Variants in XAF1 observed in about 807,000 individuals in gnomAD.
XAF1 encodes XIAP associated factor 1, also known as XIAP-associated factor 1.
In XAF1, 32 loss-of-function variants were observed where a neutral mutation model predicts 32.3. The observed-to-expected ratio is 0.99, with a 90% CI of 0.75 to 1.33. XAF1 has a LOEUF of 1.33. XAF1 is among the 40% of genes most tolerant of loss of function. XAF1 has a pLI of 0.00. For missense variants in XAF1, 379 were observed against 366.0 expected (o/e 1.04, Z -0.29); for synonymous variants, 120 against 125.9 (o/e 0.95, Z 0.31).
At chr17:6,767,928 C>T (rs1382628629) in intron 5 of XAF1, among the ~76,000 whole-genome samples, 1 of 152,114 alleles carries the variant, frequency 6.6e-6, no homozygotes, top group African/African-American at 2.4e-5. Flanking sequence ...TAGTCATTAT[C>T]TCTACTTTCC....
chr17:6,759,315 G>A (rs1488194425), intron 2 of XAF1: 1 of 1,243,142 alleles, frequency 8.0e-7, no homozygotes, highest in Non-Finnish European at 1.0e-6. Context: ...CTGTTCTCTT[G>A]AGATCTGTAA....
intron 4 of XAF1, among the ~76,000 whole-genome samples, chr17:6,760,837 A>G (rs1389808613): frequency 6.6e-6 from 1 of 152,146 alleles, no homozygotes; most frequent in East Asian, 1.9e-4. Flanking sequence ...GCTAGAGCCT[A>G]GCTACCACAA....
At chr17:6,760,781 T>A (rs965172657) in intron 4 of XAF1, among the ~76,000 whole-genome samples, 180 bp downstream of exon 4, 11 of 152,240 alleles carry the variant, frequency 7.2e-5, no homozygotes, top group African/African-American at 2.7e-4. Context: ...CCTGTGTGTC[T>A]GCTGTGGCCT....
At chr17:6,759,557 G>A (rs1316817219) in intron 2 of XAF1, 105 bp from the exon 3 acceptor site, 13 of 1,574,536 alleles carry the variant, frequency 8.3e-6, no homozygotes, top group Admixed American at 1.8e-5. Flanking sequence ...GGAGTTCACA[G>A]ACCCAAACCC....
In XAF1 at chr17:6,775,401, C is replaced by G. The variant is rs1033279165; in HGVS notation, c.*2232C>G. On this transcript the variant is annotated 3_prime_UTR_variant, in exon 7 of 7. Coordinates refer to ENST00000361842, the MANE Select transcript of XAF1 (RefSeq NM_017523.5). ...ACATGCAATTTACCTATATAGCAAG[C>G]CTACACATGTGCCCCTGAACCTAAA... 6.6e-6 allele frequency: 1 copy of G among 152,084 alleles called. No homozygotes were observed. Among genetic ancestry groups the G allele is most frequent in the African/African-American group, 2.4e-5 (1 of 41,400 alleles). 9.4% of individuals were successfully genotyped at this position (152,084 alleles called of 1,614,324 possible). A position where few individuals can be genotyped will look rare whatever the true frequency, so the allele number is the denominator to read the frequency against.
chr17:6,761,820 A>G, intron 4 of XAF1: 1 of 1,338,346 alleles, frequency 7.5e-7, no homozygotes, highest in Non-Finnish European at 9.8e-7. Context: ...AACTGGTGCA[A>G]TGAAAGAGCA....
rs935132602 is a variant in XAF1 at position 6,760,325 on chromosome 17, G to A, written c.226-81G>A. 151 of 1,357,970 alleles carry A rather than the reference G, an allele frequency of 1.1e-4. 1 individual carries two copies. Among genetic ancestry groups the A allele is most frequent in the Non-Finnish European group, 1.5e-4 (148 of 1,020,438 alleles). 84.1% of individuals were successfully genotyped at this position (1,357,970 alleles called of 1,614,324 possible). A position where few individuals can be genotyped will look rare whatever the true frequency, so the allele number is the denominator to read the frequency against. ...ATCAAGCCACTGCACTCCAGCCTGG[G>A]CAACACAATGAGACTCTGTCTCAAA... On this transcript the variant is annotated intron_variant, in intron 3 of 6. Transcript: ENST00000361842.
chr17:6,771,518 C>T (rs1324929542), intron 6 of XAF1: 2 of 152,300 alleles, frequency 1.3e-5, no homozygotes, highest in Non-Finnish European at 2.9e-5. Context: ...TAATAACTGG[C>T]ATTAGAGGTT....
intron 5 of XAF1, among the ~76,000 whole-genome samples, chr17:6,768,375 G>A (rs147356963): frequency 2.6e-5 from 4 of 152,090 alleles, no homozygotes; most frequent in East Asian, 3.9e-4. Flanking sequence ...TGCCCACCTC[G>A]GCCTCCCAAA....
At chr17:6,759,433 T>C (rs1974994112) in intron 2 of XAF1, 5 of 1,416,870 alleles carry the variant, frequency 3.5e-6, no homozygotes, top group Non-Finnish European at 4.6e-6. Context: ...TCTCTGGAGA[T>C]ACTCAAGCTC....
chr17:6,773,032 G>A (rs906135348), intron 6 of XAF1, 81 bp from the exon 7 acceptor site: 2 of 1,255,016 alleles, frequency 1.6e-6, no homozygotes, highest in Non-Finnish European at 2.3e-6. Context: ...TGTAACAAGG[G>A]ACAGCAATAT....
chr17:6,773,463 A>T lies in XAF1; in HGVS notation c.*294A>T, dbSNP rs775531780. 2 of 308,812 alleles carry T rather than the reference A, an allele frequency of 6.5e-6. No homozygotes were observed. The highest frequency in any genetic ancestry group is 1.2e-5 in the Non-Finnish European group (2 of 168,884). The allele number at this position is 308,812 out of a possible 1,614,324, so 19.1% of individuals were successfully genotyped here. A position where few individuals can be genotyped will look rare whatever the true frequency, so the allele number is the denominator to read the frequency against. On this transcript the variant is annotated 3_prime_UTR_variant, in exon 7 of 7. Transcript: ENST00000361842. ...CTATGACAAAACCACAGCCAACATC[A>T]TACTGAATGAGCAAAAGCTGGAGCA...
rs1164566182 is a variant in XAF1 at position 6,774,050 on chromosome 17, T to C, written c.*881T>C. 7 of 152,006 alleles carry C rather than the reference T, an allele frequency of 4.6e-5. No individual in the cohort carries two copies. The highest frequency in any genetic ancestry group is 1.7e-4 in the African/African-American group (7 of 41,466). 9.4% of individuals were successfully genotyped at this position (152,006 alleles called of 1,614,324 possible). A position where few individuals can be genotyped will look rare whatever the true frequency, so the allele number is the denominator to read the frequency against. On this transcript the variant is annotated 3_prime_UTR_variant, in exon 7 of 7. Coordinates refer to ENST00000361842, the MANE Select transcript of XAF1 (RefSeq NM_017523.5). ...TTCACAGAATCAGAAAAAAAAAGCA[T>C]TAAAATTTATTTGAAACCAAAAAAG... is the stretch of plus-strand genomic sequence containing the variant.
chr17:6,770,998 G>A lies in XAF1; in HGVS notation c.849+14G>A. 1 of 1,613,286 alleles carries A rather than the reference G, an allele frequency of 6.2e-7. No individual in the cohort carries two copies. Among genetic ancestry groups the A allele is most frequent in the Non-Finnish European group, 8.5e-7 (1 of 1,179,556 alleles). On this transcript the variant is annotated intron_variant, in intron 6 of 6. Coordinates refer to ENST00000361842, the MANE Select transcript of XAF1 (RefSeq NM_017523.5). ...AATCAACATCAGGTACTCAGCCTCT[G>A]TTCTCTGCTTACCTTTCTGGGAACC... is the stretch of plus-strand genomic sequence containing the variant.
intron 5 of XAF1, among the ~76,000 whole-genome samples, chr17:6,764,455 C>T (rs894896441): frequency 6.6e-6 from 1 of 152,162 alleles, no homozygotes; most frequent in East Asian, 1.9e-4. Flanking sequence ...GAGCTGTACA[C>T]GCAGGTAACA....
At chr17:6,759,825 CT>C (rs71157213) in intron 3 of XAF1, 107 bp downstream of exon 3, 386,593 of 1,579,566 alleles carry the variant, frequency 0.24, 48,787 homozygotes, top group African/African-American at 0.39. Context: ...CCTGACCACT[CT>C]TTTCACCCCA....
At position 6,774,017 on chromosome 17, in the gene XAF1, T is replaced by C. The variant is rs570906190; in HGVS notation, c.*848T>C. The C allele has an allele frequency of 1.3e-5, 2 of 151,942 alleles. No homozygotes were observed. Among genetic ancestry groups the C allele is most frequent in the Admixed American group, 1.3e-4 (2 of 15,270 alleles). The allele number at this position is 151,942 out of a possible 1,614,324, so 9.4% of individuals were successfully genotyped here. The stretch of plus-strand genomic sequence containing the variant: ...AATGCTATTCCTATCAAACTACCAA[T>C]AACATTCTTCACAGAATCAGAAAAA... On this transcript the variant is annotated 3_prime_UTR_variant, in exon 7 of 7. Coordinates refer to ENST00000361842, the MANE Select transcript of XAF1 (RefSeq NM_017523.5).
At chr17:6,763,029 A>G (rs1222636063) in intron 5 of XAF1, among the ~76,000 whole-genome samples, 2 of 152,206 alleles carry the variant, frequency 1.3e-5, no homozygotes, top group African/African-American at 4.8e-5. Context: ...CACTATAGAG[A>G]CATTTGGTAC....
chr17:6,758,258 G>C (rs1358520097), intron 2 of XAF1, 34 bp downstream of exon 2: 3 of 1,608,888 alleles, frequency 1.9e-6, no homozygotes, highest in Non-Finnish European at 2.5e-6. Flanking sequence ...GGGTCTGAGA[G>C]TCAAGGTGAG....
Sources: gnomAD v4.1 joint callset for allele counts (sites outside exome capture counted in the v4.1 genomes callset) on GRCh38, gnomAD v4.1.1 for gene constraint, MANE v1.5 for transcripts, NCBI Gene and HGNC (gene_info 2026-07-23, HGNC 2026-07-21) for gene names.